The following EPM2A variants were observed in gnomAD, a reference collection of about 807,000 sequenced individuals.
EPM2A encodes the protein laforin.
Under a neutral mutation model 26.5 loss-of-function variants are expected in EPM2A, and 21 were observed. The ratio of observed to expected loss-of-function variants is 0.79; its 90% confidence interval spans 0.56 to 1.14. EPM2A has a LOEUF of 1.14. Among genes scored for constraint, EPM2A ranks in the 50% most tolerant of loss-of-function variants. EPM2A has a pLI of 0.00. For missense variants in EPM2A, 458 were observed against 440.8 expected, an observed-to-expected ratio of 1.04 and a Z score of -0.35; for synonymous variants, 217 against 177.6, an observed-to-expected ratio of 1.22 and a Z score of -1.76.
intron 3 of EPM2A, chr6:145,630,178 A>G (rs1776143054): frequency 6.6e-6 from 1 of 152,298 alleles, no homozygotes; most frequent in African/African-American, 2.4e-5. Context: ...GTCAGCTAAC[A>G]TGCAGAAGCT....
intron 4 of EPM2A, among the ~76,000 whole-genome samples, chr6:145,465,232 G>A (rs1440449991): frequency 3.3e-5 from 5 of 151,430 alleles, no homozygotes; most frequent in East Asian, 1.9e-4. Flanking sequence ...ATCTTCCATC[G>A]CTGATACCCT....
chr6:145,603,635 C>G (rs1474527056), intron 2 of EPM2A, among the ~76,000 whole-genome samples: 1 of 151,986 alleles, frequency 6.6e-6, no homozygotes, highest in African/African-American at 2.4e-5. Flanking sequence ...ATATTTGTAC[C>G]CTGCACTTAC....
intron 4 of EPM2A, among the ~76,000 whole-genome samples, chr6:145,435,470 A>G (rs1340395730): frequency 6.7e-6 from 1 of 150,240 alleles, no homozygotes; most frequent in East Asian, 1.9e-4. Context: ...TTCATGTAAT[A>G]CTTTCACCAT....
intron 4 of EPM2A, among the ~76,000 whole-genome samples, chr6:145,481,517 T>A (rs1042810768): frequency 6.6e-6 from 1 of 152,084 alleles, no homozygotes; most frequent in African/African-American, 2.4e-5. Context: ...GGATGCTAAT[T>A]TAGTAGCCTA....
At chr6:145,425,151 T>TTCCTTCCTTCCTTCCTTCCC (rs1326372575) in intron 4 of EPM2A, among the ~76,000 whole-genome samples, 3 of 150,818 alleles carry the variant, frequency 2.0e-5, no homozygotes, top group Non-Finnish European at 4.4e-5. Context: ...CCTTCCTTCC[T>TTCCTTCCTTCCTTCCTTCCC]TCCTTCCTTT....
intron 2 of EPM2A, among the ~76,000 whole-genome samples, chr6:145,527,903 A>G (rs1481470509): frequency 6.6e-6 from 1 of 152,144 alleles, no homozygotes; most frequent in Admixed American, 6.6e-5. Flanking sequence ...AAAAAAAGTT[A>G]TTAAAGAAAA....
In EPM2A at chr6:145,561,642, G is replaced by A. The variant is rs116127963; in HGVS notation, c.341-59067C>T. On this transcript the variant is annotated intron_variant, in intron 2 of 3. Coordinates refer to the EPM2A transcript ENST00000450221. ...GCCCACTGTTTTTCTCCCATTCTGTGACACGTATCTTCTCTTGTCTGTGTA... is the reference window on the plus strand; with the variant it reads ...GCCCACTGTTTTTCTCCCATTCTGTAACACGTATCTTCTCTTGTCTGTGTA... Among the ~76,000 whole-genome samples the A allele has an allele frequency of 5.0e-3, 761 of 152,218 alleles. 4 individuals carry two copies. The highest frequency in any genetic ancestry group is 0.018 in the African/African-American group (741 of 41,536).
chr6:145,601,738 A>G (rs1391283295), intron 2 of EPM2A, among the ~76,000 whole-genome samples: 1 of 152,190 alleles, frequency 6.6e-6, no homozygotes, highest in Non-Finnish European at 1.5e-5. Flanking sequence ...CAAAGTAGAA[A>G]CTGAAACTTT....
intron 2 of EPM2A, among the ~76,000 whole-genome samples, chr6:145,615,162 G>C (rs935859798): frequency 1.3e-5 from 2 of 152,168 alleles, no homozygotes; most frequent in African/African-American, 4.8e-5. Context: ...ATCTCATCTT[G>C]AATTCCCACA....
chr6:145,659,218 AGGGTGGGATG>A (rs1360845044), intron 2 of EPM2A, among the ~76,000 whole-genome samples: 1 of 141,944 alleles, frequency 7.0e-6, no homozygotes, highest in Non-Finnish European at 1.6e-5. Flanking sequence ...CCCACAAGAT[AGGGTGGGATG>A]GGGTGGGAGG....
intron 2 of EPM2A, among the ~76,000 whole-genome samples, chr6:145,578,046 A>C (rs1207270599): frequency 6.6e-6 from 1 of 152,072 alleles, no homozygotes; most frequent in Non-Finnish European, 1.5e-5. Flanking sequence ...GGGTTATAGC[A>C]AAAGAAGTAC....
intron 2 of EPM2A, among the ~76,000 whole-genome samples, chr6:145,595,425 C>T (rs2128548779): frequency 6.6e-6 from 1 of 150,890 alleles, no homozygotes; most frequent in South Asian, 2.1e-4. Context: ...AAAAAAAAAA[C>T]TTATAGCAAC....
At chr6:145,600,245 G>T (rs577554084) in intron 2 of EPM2A, among the ~76,000 whole-genome samples, 278 of 151,810 alleles carry the variant, frequency 1.8e-3, no homozygotes, top group African/African-American at 6.1e-3. Context: ...TGTATTTATT[G>T]TTTCAGGTGG....
In EPM2A at chr6:145,627,085, T is replaced by G; in HGVS notation, c.*331A>C. ...TGCAACAGGAAAGTGCTGTCACGGA[T>G]CCATCGTGCAACACATACAGTGCTG... On this transcript the variant is annotated 3_prime_UTR_variant, in exon 4 of 4. Coordinates refer to ENST00000367519, the MANE Select transcript of EPM2A (RefSeq NM_005670.4). 1 of 1,223,454 alleles carries G rather than the reference T, an allele frequency of 8.2e-7. No homozygotes were observed. The highest frequency in any genetic ancestry group is 1.0e-6 in the Non-Finnish European group (1 of 970,988). 75.8% of individuals were successfully genotyped at this position (1,223,454 alleles called of 1,614,324 possible).
At chr6:145,685,109 T>G (rs2128613231) in intron 2 of EPM2A, among the ~76,000 whole-genome samples, 1 of 152,342 alleles carries the variant, frequency 6.6e-6, no homozygotes, top group East Asian at 1.9e-4. Context: ...ACTTACATAA[T>G]ATTTTAAATG....
At chr6:145,668,938 G>A (rs1779442228) in intron 2 of EPM2A, among the ~76,000 whole-genome samples, 1 of 152,070 alleles carries the variant, frequency 6.6e-6, no homozygotes, top group African/African-American at 2.4e-5. Context: ...ATACAAGGGA[G>A]AGCCTGTACA....
At chr6:145,465,027 G>A (rs1241867112) in intron 4 of EPM2A, among the ~76,000 whole-genome samples, 1 of 151,912 alleles carries the variant, frequency 6.6e-6, no homozygotes, top group East Asian at 1.9e-4. Context: ...GGCCTGCCTT[G>A]CTAGATTGGG....
intron 2 of EPM2A, among the ~76,000 whole-genome samples, chr6:145,536,658 A>G (rs1437771524): frequency 2.0e-5 from 3 of 152,130 alleles, no homozygotes; most frequent in African/African-American, 7.2e-5. Flanking sequence ...CCACTTATGA[A>G]GCAGACACAT....
chr6:145,474,749 C>A (rs1779520847), intron 4 of EPM2A, among the ~76,000 whole-genome samples: 1 of 152,064 alleles, frequency 6.6e-6, no homozygotes, highest in African/African-American at 2.4e-5. Flanking sequence ...CCAGAATCTA[C>A]AAAGAACTTA....
Sources: allele counts gnomAD v4.1 joint callset (sites outside exome capture counted in the v4.1 genomes callset), GRCh38; gene constraint gnomAD v4.1.1; transcripts MANE v1.5; gene names NCBI Gene and HGNC (gene_info 2026-07-23, HGNC 2026-07-21).